ATPAF1: variants seen among roughly 807,000 people sequenced by gnomAD.
ATPAF1 encodes the protein homolog of yeast ATP11.
In ATPAF1, 26 loss-of-function variants were observed where a neutral mutation model predicts 43.9. The ratio of observed to expected loss-of-function variants is 0.59; its 90% CI spans 0.43 to 0.82. The LOEUF is 0.82. ATPAF1 is among the 40% of genes least tolerant of loss of function. The pLI is 0.00. For synonymous variants in ATPAF1, 157 were observed against 168.0 expected (o/e 0.93, Z 0.50); for missense variants, 366 against 435.0 (o/e 0.84, Z 1.41).
intron 6 of ATPAF1, among the ~76,000 whole-genome samples, chr1:46,648,109 T>C (rs1272684209): frequency 1.3e-5 from 2 of 152,172 alleles, no homozygotes; most frequent in Non-Finnish European, 2.9e-5. Context: ...TGAAATCTAA[T>C]TTATTTATTA....
intron 2 of ATPAF1, 200 bp downstream of exon 2, chr1:46,665,056 C>G: frequency 1.7e-6 from 1 of 573,452 alleles, no homozygotes; most frequent in Non-Finnish European, 3.1e-6. Flanking sequence ...CCCTCTCATA[C>G]TTCTATATCT....
intron 4 of ATPAF1, among the ~76,000 whole-genome samples, chr1:46,656,097 AG>A (rs1676267130): frequency 6.6e-6 from 1 of 152,350 alleles, no homozygotes; most frequent in African/African-American, 2.4e-5. Context: ...AACCCAGGGT[AG>A]GGAAGAGTGC....
intron 6 of ATPAF1, among the ~76,000 whole-genome samples, chr1:46,650,402 G>C (rs185408146): frequency 1.3e-5 from 2 of 151,596 alleles, no homozygotes; most frequent in African/African-American, 4.9e-5. Flanking sequence ...GGAGAAAGAG[G>C]AACTTTTGTA....
At chr1:46,646,677 TA>T (rs1164598755) in intron 6 of ATPAF1, among the ~76,000 whole-genome samples, 4 of 152,280 alleles carry the variant, frequency 2.6e-5, no homozygotes, top group South Asian at 2.1e-4. Context: ...CTAGGGAAAA[TA>T]TTTTTTTTAC....
intron 2 of ATPAF1, among the ~76,000 whole-genome samples, chr1:46,663,094 C>T (rs1372165820): frequency 2.0e-5 from 3 of 152,140 alleles, no homozygotes; most frequent in Admixed American, 2.0e-4. Flanking sequence ...CATCCATGTC[C>T]CTACAAAGGA....
rs377146511 is a variant in ATPAF1, at chr1:46,637,466, C to G, written c.793-1496G>C. ...TTTGCAAAAGAGTCACCTCAGACAA[C>G]TCTTACTTTTGCTATACATTCTGCA... On this transcript the variant is annotated intron_variant, in intron 8 of 8. Transcript: ENST00000574428. Among the ~76,000 whole-genome samples the G allele has an allele frequency of 3.3e-5, 5 of 152,292 alleles. No homozygotes were observed. In the East Asian group the frequency reaches 9.6e-4, roughly 29 times the overall value.
intron 8 of ATPAF1, among the ~76,000 whole-genome samples, chr1:46,636,944 G>A (rs996021150): frequency 6.6e-6 from 1 of 152,090 alleles, no homozygotes; most frequent in African/African-American, 2.4e-5. Context: ...GGATGCAGAC[G>A]CTCAAGCCCA....
At chr1:46,638,579 G>C (rs560798510) in intron 8 of ATPAF1, among the ~76,000 whole-genome samples, 88 of 149,630 alleles carry the variant, frequency 5.9e-4, no homozygotes, top group Admixed American at 1.2e-3. Context: ...CCGAGATCCA[G>C]CCACTGCACT....
chr1:46,663,584 T>C (rs984721996), intron 2 of ATPAF1, among the ~76,000 whole-genome samples: 5 of 152,170 alleles, frequency 3.3e-5, no homozygotes, highest in African/African-American at 7.2e-5. Context: ...ATGTCTTCTT[T>C]TGAGAAGTGT....
rs755525440 is a variant in ATPAF1 at position 46,668,161 on chromosome 1, G to T, written c.162C>A (p.Gly54=). The T allele has an allele frequency of 6.1e-5, 85 of 1,400,562 alleles. No individual in the cohort carries two copies. In the East Asian group the frequency reaches 2.3e-3, roughly 38 times the overall value. The allele number at this position is 1,400,562 out of a possible 1,614,324, so 86.8% of individuals were successfully genotyped here. The change falls in exon 1 of 9, where the codon GGC becomes GGA. Residue 54 remains glycine, a synonymous_variant. Transcript: ENST00000574428. The surrounding 1 kb of genome is among the most constrained non-coding windows in gnomAD (Gnocchi z 4.4). ...TGCTGTCGGCGCCCCCCTCGGGCCG[G>T]CCCGAGCCGGGGCGCACTGGGAAGA... is the stretch of plus-strand genomic sequence containing the variant.
chr1:46,642,031 C>T (rs532925656), intron 8 of ATPAF1, among the ~76,000 whole-genome samples: 12 of 152,214 alleles, frequency 7.9e-5, no homozygotes, highest in East Asian at 3.9e-4. Context: ...TTTAATACAT[C>T]GAAAAGTGAG....
chr1:46,668,220 C>T lies in ATPAF1; in HGVS notation c.103G>A (p.Gly35Ser). 3.6e-6 allele frequency: 5 copies of T among 1,373,928 alleles called. No homozygotes were observed. Among genetic ancestry groups the T allele is most frequent in the Non-Finnish European group, 3.8e-6 (4 of 1,062,974 alleles). 85.1% of individuals were successfully genotyped at this position (1,373,928 alleles called of 1,614,324 possible). ...TGCGCGGGTGACACGAGCCCCAGGC[C>T]CAGGGCGCGGCTGCGCACCGCGCAC... The change falls in exon 1 of 9, where the codon GGC (glycine) becomes AGC (serine). Residue 35 changes from glycine to serine, a missense_variant. Physicochemically the swap from Gly to Ser is moderately conservative, Grantham distance 56. This residue lies in a region of ATPAF1 where 186 missense variants were observed against 168.5 expected (regional missense o/e 1.10). Coordinates refer to ENST00000574428, the Ensembl canonical transcript of ATPAF1. The surrounding 1 kb of genome is among the most constrained non-coding windows in gnomAD (Gnocchi z 4.4).
chr1:46,662,646 C>T (rs905801400), intron 2 of ATPAF1, among the ~76,000 whole-genome samples: 1 of 152,112 alleles, frequency 6.6e-6, no homozygotes, highest in African/African-American at 2.4e-5. Context: ...AGGCTGGTCT[C>T]AAACTCCTGA....
At chr1:46,656,141 A>G (rs1435269065) in intron 4 of ATPAF1, among the ~76,000 whole-genome samples, 1 of 152,208 alleles carries the variant, frequency 6.6e-6, no homozygotes, top group Non-Finnish European at 1.5e-5. Context: ...TGTATCCTGA[A>G]GAATGATTAG....
chr1:46,646,594 T>C (rs780902164), intron 6 of ATPAF1, among the ~76,000 whole-genome samples: 6 of 152,210 alleles, frequency 3.9e-5, no homozygotes, highest in Admixed American at 6.5e-5. Flanking sequence ...CTTCTTATTG[T>C]CAACCACTCA....
intron 2 of ATPAF1, among the ~76,000 whole-genome samples, chr1:46,663,117 A>AT (rs1178506250): frequency 6.6e-6 from 1 of 152,106 alleles, no homozygotes; most frequent in South Asian, 2.1e-4. Flanking sequence ...TGAACTCATC[A>AT]TTTTTTATGG....
At chr1:46,648,056 G>A (rs761141733) in intron 6 of ATPAF1, among the ~76,000 whole-genome samples, 1 of 152,170 alleles carries the variant, frequency 6.6e-6, no homozygotes, top group Non-Finnish European at 1.5e-5. Context: ...TGCTATGAAT[G>A]TAGAAGCTAT....
rs1676520402 is a variant in ATPAF1 at position 46,668,009 on chromosome 1, G to A, written c.266+48C>T. On this transcript the variant is annotated intron_variant, in intron 1 of 8. Transcript: ENST00000574428. This position sits in a 1 kb window ranked among gnomAD's most constrained non-coding sequence, Gnocchi z 4.4. ...GTCCTAAGGCCCAGCAGCCCGGGCCGCCCCTCCTCCCGCCTCCTGCCCGCC... is the reference window on the plus strand; with the variant it reads ...GTCCTAAGGCCCAGCAGCCCGGGCCACCCCTCCTCCCGCCTCCTGCCCGCC... 4.5e-6 allele frequency: 6 copies of A among 1,320,878 alleles called. No homozygotes were observed. The highest frequency in any genetic ancestry group is 2.1e-5 in the South Asian group (1 of 47,614). 81.8% of individuals were successfully genotyped at this position (1,320,878 alleles called of 1,614,324 possible).
intron 1 of ATPAF1, 78 bp from the exon 2 acceptor site, chr1:46,665,442 C>G (rs1342525578): frequency 2.0e-6 from 3 of 1,466,446 alleles, no homozygotes; most frequent in Non-Finnish European, 2.8e-6. Context: ...CTTTCCACCT[C>G]TACAGAGAAA....
Sources: allele counts gnomAD v4.1 joint callset (sites outside exome capture counted in the v4.1 genomes callset), GRCh38; gene constraint gnomAD v4.1.1; regional missense constraint gnomAD v4.1.1; non-coding constraint Gnocchi (gnomAD v3.1); transcripts MANE v1.5; gene names NCBI Gene and HGNC (gene_info 2026-07-23, HGNC 2026-07-21).